Variants in HHAT observed in about 807,000 individuals in gnomAD.
HHAT encodes protein-cysteine N-palmitoyltransferase HHAT.
A neutral mutation model predicts 70.8 loss-of-function variants in HHAT; 47 were observed. The ratio of observed to expected loss-of-function variants is 0.66; its 90% CI spans 0.53 to 0.85. HHAT has a LOEUF of 0.85. Among genes scored for constraint, HHAT ranks in the 40% least tolerant of loss-of-function variants. The probability of loss-of-function intolerance (pLI) is 0.00; values close to 1 mark genes in which losing one functional copy is unlikely to be tolerated. For missense variants in HHAT, 609 were observed against 604.8 expected, an observed-to-expected ratio of 1.01 and a Z score of -0.07; for synonymous variants, 228 against 247.6, an observed-to-expected ratio of 0.92 and a Z score of 0.74.
intron 8 of HHAT, among the ~76,000 whole-genome samples, chr1:210,511,951 A>C (rs1354483274): frequency 6.6e-6 from 1 of 151,616 alleles, no homozygotes; most frequent in Non-Finnish European, 1.5e-5. Flanking sequence ...TGGTCTTCTT[A>C]CTCACAGTCC....
intron 8 of HHAT, among the ~76,000 whole-genome samples, chr1:210,507,373 T>G (rs1351189114): frequency 6.7e-6 from 1 of 149,416 alleles, no homozygotes; most frequent in Admixed American, 6.7e-5. Context: ...TTTTTTTTTT[T>G]TTTTTGAGAC....
chr1:210,424,788 G>A (rs181840678), intron 7 of HHAT, among the ~76,000 whole-genome samples: 1 of 152,174 alleles, frequency 6.6e-6, no homozygotes, highest in East Asian at 1.9e-4. Context: ...TTTTGCTATT[G>A]TGAATAGTGT....
At chr1:210,384,454 G>A (rs2090893647) in intron 3 of HHAT, among the ~76,000 whole-genome samples, 1 of 152,174 alleles carries the variant, frequency 6.6e-6, no homozygotes, top group African/African-American at 2.4e-5. Context: ...CCCCAGGCTG[G>A]TAGTATCACA....
chr1:210,650,322 T>TCCTGAGTCCAAGAGC (rs1277272338), intron 11 of HHAT, among the ~76,000 whole-genome samples: 3 of 152,194 alleles, frequency 2.0e-5, no homozygotes, highest in Non-Finnish European at 4.4e-5. Context: ...AGCTCAGGAC[T>TCCTGAGTCCAAGAGC]CCTGAGTCCA....
intron 9 of HHAT, among the ~76,000 whole-genome samples, chr1:210,538,830 A>G (rs540307592): frequency 2.6e-5 from 4 of 152,336 alleles, no homozygotes; most frequent in African/African-American, 9.6e-5. Flanking sequence ...TAATCCCAGC[A>G]CTTTGGGAGG....
At chr1:210,400,290 T>C (rs1490338539) in intron 4 of HHAT, among the ~76,000 whole-genome samples, 178 bp from the exon 5 acceptor site, 1 of 152,188 alleles carries the variant, frequency 6.6e-6, no homozygotes, top group South Asian at 2.1e-4. Flanking sequence ...TGAATCTTGT[T>C]TGTCTGTGTT....
At chr1:210,418,047 A>C in intron 6 of HHAT, 107 bp from the exon 7 acceptor site, 1 of 1,049,626 alleles carries the variant, frequency 9.5e-7, no homozygotes, top group South Asian at 1.4e-5. Context: ...ACCCTCTGTC[A>C]GCTGGCATAG....
intron 9 of HHAT, among the ~76,000 whole-genome samples, chr1:210,564,697 G>A (rs1458370078): frequency 6.6e-6 from 1 of 152,122 alleles, no homozygotes; most frequent in Non-Finnish European, 1.5e-5. Context: ...GAAAGTGGAG[G>A]GCACTGTCAA....
intron 10 of HHAT, among the ~76,000 whole-genome samples, chr1:210,591,014 T>C (rs1661580108): frequency 6.6e-6 from 1 of 152,112 alleles, no homozygotes; most frequent in African/African-American, 2.4e-5. Flanking sequence ...AATTATCACA[T>C]GGGGGTAAAT....
chr1:210,663,594 G>A (rs1027485716), intron 11 of HHAT, among the ~76,000 whole-genome samples: 1 of 152,224 alleles, frequency 6.6e-6, no homozygotes, highest in Non-Finnish European at 1.5e-5. Context: ...CAAGCCACAT[G>A]TAATGCTCAG....
intron 2 of HHAT, among the ~76,000 whole-genome samples, chr1:210,351,005 C>T (rs965248156): frequency 2.6e-5 from 4 of 152,106 alleles, no homozygotes; most frequent in Admixed American, 2.6e-4. Flanking sequence ...AATCAATAGG[C>T]TACATATAGA....
upstream of HHAT, chr1:210,328,856 C>T (rs913964257): frequency 9.4e-5 from 42 of 448,406 alleles, no homozygotes; most frequent in Admixed American, 4.0e-4. Context: ...CTCGCCATCG[C>T]CCGGAGAGCG....
At chr1:210,448,269 A>G (rs983620675) in intron 7 of HHAT, among the ~76,000 whole-genome samples, 42 of 151,718 alleles carry the variant, frequency 2.8e-4, no homozygotes, top group Non-Finnish European at 5.4e-4. Context: ...TTTAGTAGAG[A>G]CGGGGTTTCA....
chr1:210,342,349 C>T (rs1053962926), intron 1 of HHAT, among the ~76,000 whole-genome samples: 4 of 152,218 alleles, frequency 2.6e-5, no homozygotes, highest in African/African-American at 9.7e-5. Flanking sequence ...CTCCTGTTCT[C>T]CCTTCCCTGA....
At chr1:210,342,731 A>G (rs779803524) in intron 1 of HHAT, among the ~76,000 whole-genome samples, 2 of 152,346 alleles carry the variant, frequency 1.3e-5, no homozygotes, top group African/African-American at 4.8e-5. Flanking sequence ...CTAAAGAGGG[A>G]CATGCTTGTT....
chr1:210,568,001 G>C (rs1213367083), intron 9 of HHAT, among the ~76,000 whole-genome samples: 1 of 152,226 alleles, frequency 6.6e-6, no homozygotes, highest in Non-Finnish European at 1.5e-5. Context: ...TTGACTGGTG[G>C]CTGGCAGCCC....
At chr1:210,673,807 TTATTTATG>T (rs1255972012) in intron 11 of HHAT, among the ~76,000 whole-genome samples, 1,819 of 132,432 alleles carry the variant, frequency 0.014, 25 homozygotes, top group Middle Eastern at 0.026. Context: ...ATTTATTTAT[TTATTTATG>T]GTAGAGATGA....
chr1:210,506,236 G>A (rs1227401119), intron 8 of HHAT, among the ~76,000 whole-genome samples: 1 of 152,194 alleles, frequency 6.6e-6, no homozygotes, highest in Non-Finnish European at 1.5e-5. Flanking sequence ...TGCCCTGGAT[G>A]TGTTAGCCCG....
intron 10 of HHAT, among the ~76,000 whole-genome samples, chr1:210,590,816 A>G (rs1396592854): frequency 6.6e-6 from 1 of 152,114 alleles, no homozygotes; most frequent in African/African-American, 2.4e-5. Context: ...AATAAAATTA[A>G]CCATCACACC....
Sources: gnomAD v4.1 joint callset for allele counts (sites outside exome capture counted in the v4.1 genomes callset) on GRCh38, gnomAD v4.1.1 for gene constraint, MANE v1.5 for transcripts, NCBI Gene and HGNC (gene_info 2026-07-23, HGNC 2026-07-21) for gene names.